The following CDH3 variants were observed in gnomAD, a reference collection of about 807,000 sequenced individuals.
The protein encoded by CDH3 is cadherin 3, also known as cadherin-3.
CDH3 carries 54 observed loss-of-function variants against 82.0 expected under a neutral mutation model. That is an observed-to-expected ratio of 0.66 (90% CI 0.53 to 0.83). The LOEUF is 0.83. Ranked by LOEUF, CDH3 falls within the 40% of genes least tolerant of loss-of-function variation. CDH3 has a pLI of 0.00. For synonymous variants in CDH3, 446 were observed against 437.9 expected (o/e 1.02, Z -0.23); for missense variants, 1,054 against 1,084.6 (o/e 0.97, Z 0.40).
chr16:68,672,031 G>GT (rs1960895449), intron 2 of CDH3, among the ~76,000 whole-genome samples: 1 of 151,974 alleles, frequency 6.6e-6, no homozygotes, highest in Non-Finnish European at 1.5e-5. Flanking sequence ...TTGAAAATAA[G>GT]TTTCTGTAAA....
chr16:68,664,480 A>G (rs1394731903), intron 2 of CDH3, among the ~76,000 whole-genome samples: 1 of 152,164 alleles, frequency 6.6e-6, no homozygotes, highest in Non-Finnish European at 1.5e-5. Flanking sequence ...ACTCAGTAGA[A>G]GTGATAGGTG....
At chr16:68,704,049 G>A (rs553603345), downstream of CDH3, among the ~76,000 whole-genome samples, 1 of 152,294 alleles carries the variant, frequency 6.6e-6, no homozygotes, top group South Asian at 2.1e-4. Flanking sequence ...CAATTTGGGA[G>A]GCCGAGGCGG....
chr16:68,649,146 A>G (rs1960167801), intron 2 of CDH3, among the ~76,000 whole-genome samples: 1 of 151,974 alleles, frequency 6.6e-6, no homozygotes, highest in Admixed American at 6.6e-5. Flanking sequence ...ACAGTGGTCT[A>G]CTCATCCTTA....
intron 2 of CDH3, among the ~76,000 whole-genome samples, chr16:68,673,738 A>C (rs1240196838): frequency 6.6e-6 from 1 of 152,162 alleles, no homozygotes; most frequent in Non-Finnish European, 1.5e-5. Context: ...CAGCCTGGCC[A>C]ACATGGTGAA....
intron 13 of CDH3, among the ~76,000 whole-genome samples, chr16:68,694,340 G>T (rs1212895983): frequency 6.7e-6 from 1 of 148,464 alleles, no homozygotes; most frequent in African/African-American, 2.5e-5. Context: ...AAAAAATTCC[G>T]GCCAGGCGCA....
At chr16:68,710,716 C>T (rs902528493) in intron 1 of CDH3, among the ~76,000 whole-genome samples, 1 of 151,098 alleles carries the variant, frequency 6.6e-6, no homozygotes, top group Non-Finnish European at 1.5e-5. Context: ...TGGTGGCGGG[C>T]GCCTGTAATT....
Position 68,691,837 on chromosome 16 carries a change from G to T in CDH3, c.1913G>T (p.Cys638Phe), listed in dbSNP as rs751062946. ...EQLTVIRATV[C>F]DCHGHVETCP... is the part of the protein sequence containing the mutation. The stretch of plus-strand genomic sequence containing the variant: ...CTGACGGTGATCAGGGCCACTGTGT[G>T]CGACTGCCATGGCCATGTCGAAACC... Residue 638 changes from cysteine to phenylalanine, a missense_variant, in exon 13 of 16, where the codon TGC becomes TTC. By Grantham distance (205) the Cys-to-Phe change is radical (BLOSUM62 -2). Transcript: ENST00000264012. 1 of 1,614,122 alleles carries T rather than the reference G, an allele frequency of 6.2e-7. No homozygotes were observed. Among genetic ancestry groups the T allele is most frequent in the South Asian group, 1.1e-5 (1 of 91,080 alleles).
downstream of CDH3, among the ~76,000 whole-genome samples, chr16:68,704,277 A>G (rs1460966500): frequency 6.6e-6 from 1 of 150,828 alleles, no homozygotes; most frequent in Non-Finnish European, 1.5e-5. Flanking sequence ...ACAGAGCGAG[A>G]CTTCGTCTCA....
intron 1 of CDH3, among the ~76,000 whole-genome samples, chr16:68,714,381 T>C (rs1962068465): frequency 6.6e-6 from 1 of 152,178 alleles, no homozygotes; most frequent in African/African-American, 2.4e-5. Context: ...TTCTGTGAAT[T>C]CCATCACCAC....
chr16:68,683,075 C>T (rs1961275706), intron 9 of CDH3, among the ~76,000 whole-genome samples: 1 of 151,798 alleles, frequency 6.6e-6, no homozygotes, highest in Non-Finnish European at 1.5e-5. Context: ...TAGCAAGATC[C>T]CATCAGCACT....
At chr16:68,672,190 C>CAAAAAA (rs36172561) in intron 2 of CDH3, among the ~76,000 whole-genome samples, 1 of 71,152 alleles carries the variant, frequency 1.4e-5, no homozygotes, top group Non-Finnish European at 2.9e-5. Flanking sequence ...GACTCCGTCT[C>CAAAAAA]AAAAAAAAAA....
intron 1 of CDH3, among the ~76,000 whole-genome samples, chr16:68,709,792 C>T (rs1212302515): frequency 1.3e-5 from 2 of 152,162 alleles, no homozygotes; most frequent in African/African-American, 4.8e-5. Flanking sequence ...ATCATCAGCC[C>T]AGCTGCCCAA....
chr16:68,664,728 G>A (rs1344437176), intron 2 of CDH3, among the ~76,000 whole-genome samples: 2 of 151,888 alleles, frequency 1.3e-5, no homozygotes, highest in Non-Finnish European at 2.9e-5. Flanking sequence ...GTGTGATCAC[G>A]ACTCACTGCA....
At chr16:68,688,747 T>C (rs1353399164) in intron 12 of CDH3, among the ~76,000 whole-genome samples, 1 of 152,118 alleles carries the variant, frequency 6.6e-6, no homozygotes, top group Admixed American at 6.5e-5. Context: ...CCTGCCTGAG[T>C]AGCTGAGATT....
At chr16:68,694,336 T>G (rs1961650561) in intron 13 of CDH3, among the ~76,000 whole-genome samples, 1 of 133,214 alleles carries the variant, frequency 7.5e-6, no homozygotes. Context: ...AAAAAAAAAA[T>G]TCCGGCCAGG....
At chr16:68,686,195 C>G (rs1046519857) in intron 11 of CDH3, among the ~76,000 whole-genome samples, 3 of 152,194 alleles carry the variant, frequency 2.0e-5, no homozygotes, top group African/African-American at 7.2e-5. Context: ...CTCCCAGTTC[C>G]CGCATCAGTG....
chr16:68,729,280 G>C (rs1347814847), downstream of CDH3, among the ~76,000 whole-genome samples: 2 of 152,096 alleles, frequency 1.3e-5, no homozygotes, highest in African/African-American at 4.8e-5. Flanking sequence ...ATTCCAGCCT[G>C]GGCGAAAAAG....
chr16:68,645,468 G>A, intron 1 of CDH3, 44 bp downstream of exon 1: 1 of 1,601,742 alleles, frequency 6.2e-7, no homozygotes, highest in South Asian at 1.1e-5. Flanking sequence ...ACCGCTCCCT[G>A]GGGGGCGGGC....
At chr16:68,717,464 C>T (rs912496716) in intron 1 of CDH3, among the ~76,000 whole-genome samples, 4 of 152,144 alleles carry the variant, frequency 2.6e-5, no homozygotes, top group Non-Finnish European at 5.9e-5. Context: ...TGTTAGGAAG[C>T]AGTGCCTTAA....
Sources: gnomAD v4.1 joint callset for allele counts (sites outside exome capture counted in the v4.1 genomes callset) on GRCh38, gnomAD v4.1.1 for gene constraint, MANE v1.5 for transcripts, NCBI Gene and HGNC (gene_info 2026-07-23, HGNC 2026-07-21) for gene names.